Variants in KCNH5 observed in about 807,000 individuals in gnomAD.
The protein encoded by KCNH5 is voltage-gated delayed rectifier potassium channel KCNH5.
In KCNH5, 46 loss-of-function variants were observed where a neutral mutation model predicts 96.1. The observed-to-expected ratio is 0.48, with a 90% confidence interval of 0.38 to 0.61. The LOEUF (loss-of-function observed/expected upper bound fraction) is 0.61, where lower values mean the gene tolerates loss of function less well. Among genes scored for constraint, KCNH5 ranks in the 20% least tolerant of loss-of-function variants. The pLI is 0.00. For missense variants in KCNH5, 907 were observed against 1,225.8 expected (o/e 0.74, Z 3.88); for synonymous variants, 439 against 449.8 (o/e 0.98, Z 0.30).
chr14:62,740,233 T>C (rs7143550), intron 10 of KCNH5, among the ~76,000 whole-genome samples: 83,110 of 151,934 alleles, frequency 0.55, 23,684 homozygotes, highest in East Asian at 0.7. Context: ...TGTATGTGGG[T>C]ATTTGTGAGG....
intron 8 of KCNH5, among the ~76,000 whole-genome samples, chr14:62,843,555 G>A (rs1887629170): frequency 6.6e-6 from 1 of 151,756 alleles, no homozygotes; most frequent in Non-Finnish European, 1.5e-5. Flanking sequence ...GGGACTACAG[G>A]CGTGCACCAC....
At chr14:62,835,595 T>C (rs1887448955) in intron 8 of KCNH5, among the ~76,000 whole-genome samples, 2 of 152,054 alleles carry the variant, frequency 1.3e-5, no homozygotes, top group Non-Finnish European at 2.9e-5. Flanking sequence ...TAGATGGAAG[T>C]GTAAGCTTTA....
chr14:62,760,312 T>C (rs1885719824), intron 10 of KCNH5, among the ~76,000 whole-genome samples: 1 of 152,206 alleles, frequency 6.6e-6, no homozygotes. Context: ...ACCCATGTAA[T>C]GCTCTAAGTT....
chr14:62,796,206 G>C (rs563264629), intron 9 of KCNH5, among the ~76,000 whole-genome samples: 2 of 152,232 alleles, frequency 1.3e-5, no homozygotes, highest in East Asian at 3.9e-4. Context: ...CATTGAAATG[G>C]AGGTTGAAGC....
At chr14:62,911,170 G>C (rs989477205) in intron 7 of KCNH5, among the ~76,000 whole-genome samples, 1 of 151,906 alleles carries the variant, frequency 6.6e-6, no homozygotes, top group African/African-American at 2.4e-5. Context: ...AAGAATATAT[G>C]AATAAATGAA....
At chr14:62,983,267 T>C (rs1450060344) in intron 5 of KCNH5, among the ~76,000 whole-genome samples, 1 of 151,654 alleles carries the variant, frequency 6.6e-6, no homozygotes, top group African/African-American at 2.4e-5. Context: ...CCAGCTTCTC[T>C]GGAGGCTGAG....
chr14:63,003,294 T>C (rs965189826), intron 3 of KCNH5, among the ~76,000 whole-genome samples: 2 of 150,156 alleles, frequency 1.3e-5, no homozygotes, highest in Non-Finnish European at 2.9e-5. Context: ...CTTCATATTC[T>C]GGATTTGGGG....
chr14:62,872,625 G>A (rs148970667), intron 7 of KCNH5, among the ~76,000 whole-genome samples: 2,351 of 152,108 alleles, frequency 0.015, 60 homozygotes, highest in African/African-American at 0.054. Flanking sequence ...TCTGGGAGGC[G>A]GAGGTTGCAG....
chr14:62,826,542 C>A (rs1887231399), intron 8 of KCNH5, among the ~76,000 whole-genome samples: 1 of 151,656 alleles, frequency 6.6e-6, no homozygotes, highest in African/African-American at 2.4e-5. Context: ...TAAGCTCTAT[C>A]TTATATTTAC....
At chr14:62,723,043 T>A (rs1450581703) in intron 10 of KCNH5, among the ~76,000 whole-genome samples, 1 of 152,124 alleles carries the variant, frequency 6.6e-6, no homozygotes, top group Non-Finnish European at 1.5e-5. Flanking sequence ...CAGAAACACA[T>A]CTCACAGGTG....
intron 10 of KCNH5, among the ~76,000 whole-genome samples, chr14:62,718,443 C>G (rs35039129): frequency 0.19 from 28,396 of 151,840 alleles, 3,226 homozygotes; most frequent in Admixed American, 0.25. Context: ...CTATAAATGG[C>G]CAATAGGCAT....
At chr14:62,797,611 ATAT>A (rs768230893) in intron 9 of KCNH5, among the ~76,000 whole-genome samples, 1 of 152,194 alleles carries the variant, frequency 6.6e-6, no homozygotes, top group Non-Finnish European at 1.5e-5. Context: ...AAATAACAAA[ATAT>A]TATTCATTCA....
chr14:63,006,448 G>A lies in KCNH5; in HGVS notation c.222C>T (p.Asp74=). The A allele has an allele frequency of 1.2e-6, 2 of 1,610,850 alleles. No individual in the cohort carries two copies. Residue 74 remains aspartate (D), a synonymous_variant, in exon 3 of 11, where the codon GAC becomes GAT. Transcript: ENST00000322893. The part of the protein sequence containing the change: ...TCSFMYGELT[D]KKTIEKVRQT... Reference sequence around the variant, plus strand: ...GCCTGACTTTCTCAATGGTCTTCTTGTCAGTCAATTCCCCATACATAAAAC... The same window carrying A: ...GCCTGACTTTCTCAATGGTCTTCTTATCAGTCAATTCCCCATACATAAAAC...
At chr14:62,867,072 C>T (rs8005915) in intron 7 of KCNH5, among the ~76,000 whole-genome samples, 29,028 of 152,026 alleles carry the variant, frequency 0.19, 3,207 homozygotes, top group East Asian at 0.28. Flanking sequence ...TGCTTCCACC[C>T]GCAACTTATT....
chr14:63,022,523 T>G (rs1016309430), intron 1 of KCNH5, among the ~76,000 whole-genome samples: 1 of 152,198 alleles, frequency 6.6e-6, no homozygotes, highest in African/African-American at 2.4e-5. Flanking sequence ...ACATCCTTCT[T>G]TTGGCTCTCA....
chr14:62,988,039 C>G (rs983148952), intron 4 of KCNH5, among the ~76,000 whole-genome samples: 1 of 152,064 alleles, frequency 6.6e-6, no homozygotes, highest in African/African-American at 2.4e-5. Flanking sequence ...ATAATGTCTT[C>G]TGAAAGAGCA....
chr14:62,882,015 G>T (rs766167579), intron 7 of KCNH5, among the ~76,000 whole-genome samples: 7 of 148,396 alleles, frequency 4.7e-5, no homozygotes, highest in Non-Finnish European at 1.0e-4. Flanking sequence ...TGTAATCCCA[G>T]CACTTTGGGA....
chr14:62,835,933 A>T lies in KCNH5; in HGVS notation c.1569+13720T>A, dbSNP rs565005878. ...TTTGTAGGATGATTTCATTACAAGAATTTTTTTAAAAAGATAAATTTAATA... is the reference window on the plus strand; with the variant it reads ...TTTGTAGGATGATTTCATTACAAGATTTTTTTTAAAAAGATAAATTTAATA... On this transcript the variant is annotated intron_variant, in intron 8 of 10. Transcript: ENST00000322893. 4.6e-5 allele frequency among the ~76,000 whole-genome samples: 7 copies of T among 152,166 alleles called. No individual in the cohort carries two copies. In the East Asian group the frequency reaches 1.2e-3, roughly 25 times the overall value.
chr14:62,799,083 T>C (rs770075168), intron 9 of KCNH5, among the ~76,000 whole-genome samples: 25 of 152,248 alleles, frequency 1.6e-4, no homozygotes, highest in Non-Finnish European at 3.4e-4. Flanking sequence ...ACATGATGGC[T>C]TTTGGCATAT....
Sources: allele counts gnomAD v4.1 joint callset (sites outside exome capture counted in the v4.1 genomes callset), GRCh38; gene constraint gnomAD v4.1.1; transcripts MANE v1.5; gene names NCBI Gene and HGNC (gene_info 2026-07-23, HGNC 2026-07-21).